The following SLC39A11 variants were observed in gnomAD, a reference collection of about 807,000 sequenced individuals.
The protein encoded by SLC39A11 is zinc transporter ZIP11.
Under a neutral mutation model 36.1 loss-of-function variants are expected in SLC39A11, and 33 were observed. The ratio of observed to expected loss-of-function variants is 0.91; its 90% CI spans 0.69 to 1.22. The LOEUF (loss-of-function observed/expected upper bound fraction) is 1.22, where lower values mean the gene tolerates loss of function less well. SLC39A11 is among the 50% of genes most tolerant of loss of function. The probability of loss-of-function intolerance (pLI) is 0.00; values close to 1 mark genes in which losing one functional copy is unlikely to be tolerated. For synonymous variants in SLC39A11, 166 were observed against 170.3 expected (o/e 0.97, Z 0.20); for missense variants, 432 against 430.3 (o/e 1.00, Z -0.03).
intron 6 of SLC39A11, among the ~76,000 whole-genome samples, chr17:72,797,707 G>A (rs2076940760): frequency 6.6e-6 from 1 of 152,102 alleles, no homozygotes; most frequent in African/African-American, 2.4e-5. Context: ...TGCAGAGGAT[G>A]GAGCTGAAGT....
intron 5 of SLC39A11, among the ~76,000 whole-genome samples, chr17:72,862,875 A>G (rs2080113861): frequency 6.6e-6 from 1 of 152,202 alleles, no homozygotes; most frequent in Admixed American, 6.5e-5. Context: ...TGTATGGTAG[A>G]AGACTGGAAC....
rs1170931869 is a variant in SLC39A11, at chr17:72,646,447, C to T, written c.*1137G>A. The T allele has an allele frequency of 1.3e-5, 2 of 152,224 alleles. No homozygotes were observed. The highest frequency in any genetic ancestry group is 4.8e-5 in the African/African-American group (2 of 41,444). 9.4% of individuals were successfully genotyped at this position (152,224 alleles called of 1,614,324 possible). ...GGCTGGCTTCTGGTCTAGTTCGACT[C>T]ATTCTTTATAGGGACATTTCAGAAT... On this transcript the variant is annotated 3_prime_UTR_variant, in exon 10 of 10. Transcript: ENST00000255559.
intron 5 of SLC39A11, among the ~76,000 whole-genome samples, chr17:72,875,379 C>T (rs190543834): frequency 4.6e-4 from 70 of 152,264 alleles, no homozygotes; most frequent in African/African-American, 1.6e-3. Flanking sequence ...TTCATAATGG[C>T]CAGGGTGACA....
intron 6 of SLC39A11, among the ~76,000 whole-genome samples, chr17:72,842,232 CAG>C (rs2078853875): frequency 6.6e-6 from 1 of 151,922 alleles, no homozygotes; most frequent in Admixed American, 6.6e-5. Context: ...ATTATGGTAA[CAG>C]AAGATAAAGG....
intron 5 of SLC39A11, among the ~76,000 whole-genome samples, chr17:72,860,828 G>A (rs2079939353): frequency 6.6e-6 from 1 of 152,168 alleles, no homozygotes; most frequent in African/African-American, 2.4e-5. Flanking sequence ...ACATGTTCAT[G>A]CATCAGGGCG....
intron 6 of SLC39A11, among the ~76,000 whole-genome samples, chr17:72,838,764 C>T (rs1567798916): frequency 6.6e-6 from 1 of 152,070 alleles, no homozygotes; most frequent in Non-Finnish European, 1.5e-5. Flanking sequence ...TTTAAATATG[C>T]CACTGACCTT....
At chr17:72,954,703 C>T (rs1396740131) in intron 4 of SLC39A11, among the ~76,000 whole-genome samples, 3 of 152,326 alleles carry the variant, frequency 2.0e-5, no homozygotes, top group Admixed American at 6.5e-5. Flanking sequence ...AATTAAATGT[C>T]GCCCCTGATC....
At chr17:72,937,207 G>A (rs1203821698) in intron 5 of SLC39A11, among the ~76,000 whole-genome samples, 2 of 152,174 alleles carry the variant, frequency 1.3e-5, no homozygotes, top group African/African-American at 2.4e-5. Context: ...TTGGGAGGCC[G>A]AGGCGGGTGG....
At chr17:72,949,177 T>TTTTTTTTTTTC (rs2085676615) in intron 4 of SLC39A11, among the ~76,000 whole-genome samples, 1 of 113,034 alleles carries the variant, frequency 8.8e-6, no homozygotes, top group Non-Finnish European at 1.7e-5. Flanking sequence ...TTTTTTTTTT[T>TTTTTTTTTTTC]GAGACAGAGT....
In SLC39A11 at chr17:73,089,297, A is replaced by AT. The variant is rs575253335; in HGVS notation, c.-11-523_-11-522insA. Among the ~76,000 whole-genome samples, 682 of 151,320 alleles carry AT rather than the reference A, an allele frequency of 4.5e-3. 15 individuals are homozygous for AT. The highest frequency in any genetic ancestry group is 0.036 in the Admixed American group (543 of 15,158). ...TAAACTCCACCAACCAACTTTTGAT[A>AT]CCCACCAACCCCCGACTCTCCAATC... On this transcript the variant is annotated intron_variant, in intron 1 of 9. Transcript: ENST00000255559.
At chr17:72,936,155 G>A (rs931250068) in intron 5 of SLC39A11, among the ~76,000 whole-genome samples, 52 of 152,148 alleles carry the variant, frequency 3.4e-4, no homozygotes, top group African/African-American at 1.1e-3. Flanking sequence ...CCGAGATCAC[G>A]TCACTGCATT....
rs1021726072 is a variant in SLC39A11, at chr17:72,840,588, G to A, written c.601+9046C>T. On this transcript the variant is annotated intron_variant, in intron 6 of 9. Coordinates refer to ENST00000255559, the MANE Select transcript of SLC39A11 (RefSeq NM_139177.4). ...AGCCTGGCCAACATGGCAAAACCCC[G>A]CCTCTACTAAAAGTACAAAAATTAG... Among the ~76,000 whole-genome samples the A allele has an allele frequency of 3.9e-5, 6 of 152,252 alleles. No homozygotes were observed. In the East Asian group the frequency reaches 7.7e-4, roughly 20 times the overall value.
chr17:73,060,874 T>C (rs1254268192), intron 3 of SLC39A11, among the ~76,000 whole-genome samples: 1 of 152,182 alleles, frequency 6.6e-6, no homozygotes, highest in African/African-American at 2.4e-5. Context: ...ATTGTGTCAT[T>C]ATTGAATGAA....
intron 3 of SLC39A11, among the ~76,000 whole-genome samples, chr17:73,080,426 A>G (rs943070224): frequency 2.0e-5 from 3 of 152,222 alleles, no homozygotes; most frequent in Non-Finnish European, 2.9e-5. Flanking sequence ...ATCATTGGAA[A>G]GCCACATATA....
In SLC39A11 at chr17:73,027,028, G is replaced by A. The variant is rs552138687; in HGVS notation, c.306+4528C>T. Reference sequence around the variant, plus strand: ...TTCCAGCTATTCAGGAGGCTGAGGTGGGAGGATCACTGGATCCCAGGAGGT... The same window carrying A: ...TTCCAGCTATTCAGGAGGCTGAGGTAGGAGGATCACTGGATCCCAGGAGGT... On this transcript the variant is annotated intron_variant, in intron 4 of 9. Coordinates refer to ENST00000255559, the MANE Select transcript of SLC39A11 (RefSeq NM_139177.4). 5.3e-5 allele frequency among the ~76,000 whole-genome samples: 8 copies of A among 152,192 alleles called. No individual in the cohort carries two copies. In the East Asian group the frequency reaches 1.5e-3, roughly 29 times the overall value.
intron 7 of SLC39A11, among the ~76,000 whole-genome samples, chr17:72,691,901 C>A (rs1380022594): frequency 1.3e-5 from 2 of 152,138 alleles, no homozygotes; most frequent in African/African-American, 2.4e-5. Context: ...GGATATGTGA[C>A]CTCTGTCCTT....
chr17:72,980,659 T>C (rs1455140736), intron 4 of SLC39A11, among the ~76,000 whole-genome samples: 2 of 152,164 alleles, frequency 1.3e-5, no homozygotes, highest in East Asian at 1.9e-4. Context: ...AGACGTGAAG[T>C]TGCAGCAACT....
intron 7 of SLC39A11, among the ~76,000 whole-genome samples, chr17:72,670,158 TATACACACACACACACAC>T (rs1191724375): frequency 0.021 from 2,675 of 126,362 alleles, 57 homozygotes; most frequent in African/African-American, 0.056. Context: ...ACACATTTTA[TATACACACACACACACAC>T]ACACACACAC....
chr17:72,850,006 A>G (rs2079231314), intron 5 of SLC39A11, among the ~76,000 whole-genome samples: 1 of 151,378 alleles, frequency 6.6e-6, no homozygotes, highest in Non-Finnish European at 1.5e-5. Flanking sequence ...CCATCCTCCC[A>G]TCTCAGCCTC....
Sources: gnomAD v4.1 joint callset for allele counts (sites outside exome capture counted in the v4.1 genomes callset) on GRCh38, gnomAD v4.1.1 for gene constraint, MANE v1.5 for transcripts, NCBI Gene and HGNC (gene_info 2026-07-23, HGNC 2026-07-21) for gene names.